Variants in SLC9A9 observed in about 807,000 individuals in gnomAD.
The protein encoded by SLC9A9 is sodium/hydrogen exchanger 9.
In SLC9A9, 62 loss-of-function variants were observed where a neutral mutation model predicts 77.8. The observed-to-expected ratio is 0.80, with a 90% CI of 0.65 to 0.98. The LOEUF is 0.98. SLC9A9 is among the 50% of genes least tolerant of loss of function. SLC9A9 has a pLI of 0.00. For missense variants in SLC9A9, 775 were observed against 774.9 expected, an observed-to-expected ratio of 1.00 and a Z score of 0.00; for synonymous variants, 320 against 283.5, an observed-to-expected ratio of 1.13 and a Z score of -1.29.
chr3:143,652,877 C>T (rs571546386), intron 5 of SLC9A9, among the ~76,000 whole-genome samples: 1 of 151,886 alleles, frequency 6.6e-6, no homozygotes, highest in Non-Finnish European at 1.5e-5. Flanking sequence ...CCCTCCCAAC[C>T]CTTCAACTGC....
At chr3:143,454,676 G>A (rs1039238201) in intron 12 of SLC9A9, among the ~76,000 whole-genome samples, 1 of 152,170 alleles carries the variant, frequency 6.6e-6, no homozygotes, top group African/African-American at 2.4e-5. Flanking sequence ...GATATCACAA[G>A]GCTGAAATGA....
At chr3:143,641,996 TCTC>T (rs1413722687) in intron 6 of SLC9A9, among the ~76,000 whole-genome samples, 1 of 152,208 alleles carries the variant, frequency 6.6e-6, no homozygotes, top group Non-Finnish European at 1.5e-5. Context: ...TCTGCTCAAT[TCTC>T]CTTGTTTCTC....
At chr3:143,831,947 G>T in intron 2 of SLC9A9, 72 bp downstream of exon 2, 1 of 1,392,826 alleles carries the variant, frequency 7.2e-7, no homozygotes, top group Non-Finnish European at 9.9e-7. Flanking sequence ...TATATAAAAA[G>T]TATAAAGGCT....
chr3:143,591,290 C>G (rs2037640138), intron 6 of SLC9A9, among the ~76,000 whole-genome samples: 1 of 152,224 alleles, frequency 6.6e-6, no homozygotes, highest in African/African-American at 2.4e-5. Context: ...TTCAAGTTAT[C>G]TTTGGAAGGA....
intron 6 of SLC9A9, among the ~76,000 whole-genome samples, chr3:143,589,705 T>G (rs1198385493): frequency 6.6e-6 from 1 of 152,214 alleles, no homozygotes; most frequent in South Asian, 2.1e-4. Context: ...GACTGTATTG[T>G]TCTCAGTTCA....
intron 12 of SLC9A9, among the ~76,000 whole-genome samples, chr3:143,415,504 A>G (rs2034176349): frequency 6.6e-6 from 1 of 152,212 alleles, no homozygotes; most frequent in Non-Finnish European, 1.5e-5. Flanking sequence ...GACTCTGCCT[A>G]TGTTATATAA....
chr3:143,408,834 TA>T lies in SLC9A9; in HGVS notation c.1470-26721del, dbSNP rs112246651. Among the ~76,000 whole-genome samples, 420 of 152,194 alleles carry T rather than the reference TA, an allele frequency of 2.8e-3. 1 individual carries two copies. Among genetic ancestry groups the T allele is most frequent in the African/African-American group, 9.6e-3 (400 of 41,536 alleles). On this transcript the variant is annotated intron_variant, in intron 12 of 15. Coordinates refer to ENST00000316549, the MANE Select transcript of SLC9A9 (RefSeq NM_173653.4). ...TCACTCTAAAGAGGTATGTGCAGCT[TA>T]AAAAAAATCAAGAATTGGGCCATTT... is the stretch of plus-strand genomic sequence containing the variant.
intron 2 of SLC9A9, among the ~76,000 whole-genome samples, chr3:143,831,507 C>T (rs1244491300): frequency 6.6e-6 from 1 of 152,168 alleles, no homozygotes; most frequent in Non-Finnish European, 1.5e-5. Context: ...ACACTGACTG[C>T]ATGTCAGTGT....
intron 9 of SLC9A9, among the ~76,000 whole-genome samples, chr3:143,539,232 C>T (rs1349962934): frequency 6.6e-6 from 1 of 152,154 alleles, no homozygotes; most frequent in Non-Finnish European, 1.5e-5. Context: ...CTCCTAAAAC[C>T]AAACTCTTGT....
chr3:143,764,691 G>T (rs1354724841), intron 4 of SLC9A9, among the ~76,000 whole-genome samples: 1 of 151,998 alleles, frequency 6.6e-6, no homozygotes. Context: ...CCAAATAACT[G>T]GGACTACATC....
At chr3:143,608,531 G>A (rs910256936) in intron 6 of SLC9A9, among the ~76,000 whole-genome samples, 5 of 152,122 alleles carry the variant, frequency 3.3e-5, no homozygotes, top group Admixed American at 6.5e-5. Context: ...GGACCACCAC[G>A]GTGGGCTTTC....
chr3:143,450,149 A>ATG lies in SLC9A9; in HGVS notation c.1469+16887_1469+16888insCA, dbSNP rs1338502285. Among the ~76,000 whole-genome samples, 34 of 130,238 alleles carry ATG rather than the reference A, an allele frequency of 2.6e-4. No individual in the cohort carries two copies. The South Asian group carries it at 7.5e-3, about 29-fold the overall frequency. The allele number at this position is 130,238 out of a possible 152,430, so 85.4% of individuals were successfully genotyped here. A position where few individuals can be genotyped will look rare whatever the true frequency, so the allele number is the denominator to read the frequency against. On this transcript the variant is annotated intron_variant, in intron 12 of 15. Transcript: ENST00000316549. ...ATAATATATAAATATATAATTTAAT[A>ATG]TATATTATATAATATACATATTTAT... is the stretch of plus-strand genomic sequence containing the variant.
chr3:143,432,311 G>A (rs745576614), intron 12 of SLC9A9, among the ~76,000 whole-genome samples: 56 of 152,188 alleles, frequency 3.7e-4, no homozygotes, highest in Admixed American at 2.7e-3. Flanking sequence ...GATGATGTAT[G>A]TAGTGGGAAC....
chr3:143,663,696 C>G (rs2039017151), intron 5 of SLC9A9, among the ~76,000 whole-genome samples: 1 of 151,962 alleles, frequency 6.6e-6, no homozygotes, highest in Non-Finnish European at 1.5e-5. Context: ...CCGATTCCAT[C>G]AAGTGGAAGA....
At chr3:143,799,920 T>A (rs934174998) in intron 2 of SLC9A9, among the ~76,000 whole-genome samples, 1 of 152,196 alleles carries the variant, frequency 6.6e-6, no homozygotes, top group African/African-American at 2.4e-5. Context: ...TTTGCCTCCA[T>A]AACTGTTGTG....
intron 12 of SLC9A9, among the ~76,000 whole-genome samples, chr3:143,428,876 G>A (rs1376029938): frequency 1.3e-5 from 2 of 152,124 alleles, no homozygotes; most frequent in African/African-American, 4.8e-5. Flanking sequence ...TTTCCTACAG[G>A]TAGAGAGTAG....
chr3:143,399,317 C>A (rs767688438), intron 12 of SLC9A9, among the ~76,000 whole-genome samples: 1 of 152,106 alleles, frequency 6.6e-6, no homozygotes, highest in Admixed American at 6.6e-5. Context: ...ATGTTTTTCT[C>A]TGGTCAAATC....
intron 6 of SLC9A9, among the ~76,000 whole-genome samples, chr3:143,615,213 C>T (rs1407053293): frequency 6.6e-6 from 1 of 152,222 alleles, no homozygotes; most frequent in Non-Finnish European, 1.5e-5. Flanking sequence ...CTGACAGTCA[C>T]CACCACGCCT....
chr3:143,771,069 T>C (rs2007499961), intron 4 of SLC9A9, among the ~76,000 whole-genome samples: 2 of 152,094 alleles, frequency 1.3e-5, no homozygotes. Flanking sequence ...AAGTAAAAAC[T>C]ACAATGAGAG....
Sources: gnomAD v4.1 joint callset for allele counts (sites outside exome capture counted in the v4.1 genomes callset) on GRCh38, gnomAD v4.1.1 for gene constraint, MANE v1.5 for transcripts, NCBI Gene and HGNC (gene_info 2026-07-23, HGNC 2026-07-21) for gene names.